Variants in FNBP1L observed in about 807,000 individuals in gnomAD.
FNBP1L encodes the protein formin binding protein 1 like, also known as formin-binding protein 1-like.
FNBP1L carries 36 observed loss-of-function variants against 91.2 expected under a neutral mutation model. The ratio of observed to expected loss-of-function variants is 0.39; its 90% CI spans 0.30 to 0.52. FNBP1L has a LOEUF of 0.52. Ranked by LOEUF, FNBP1L falls within the 20% of genes least tolerant of loss-of-function variation. FNBP1L has a pLI of 0.66. For synonymous variants in FNBP1L, 242 were observed against 237.0 expected (o/e 1.02, Z -0.19); for missense variants, 571 against 732.1 (o/e 0.78, Z 2.54).
chr1:93,453,727 A>G (rs1449125436), intron 1 of FNBP1L, among the ~76,000 whole-genome samples: 1 of 152,204 alleles, frequency 6.6e-6, no homozygotes, highest in Admixed American at 6.5e-5. Context: ...GTTTTGTTCT[A>G]TAGAATGTGA....
intron 7 of FNBP1L, among the ~76,000 whole-genome samples, 152 bp downstream of exon 7, chr1:93,531,035 T>A (rs1176876408): frequency 6.6e-6 from 1 of 152,212 alleles, no homozygotes; most frequent in Non-Finnish European, 1.5e-5. Context: ...TGAAAACAAG[T>A]GTTTTCTAAC....
chr1:93,463,947 G>A (rs557254892), intron 1 of FNBP1L, among the ~76,000 whole-genome samples: 1 of 152,268 alleles, frequency 6.6e-6, no homozygotes, highest in African/African-American at 2.4e-5. Context: ...GTGAAGTTCT[G>A]TAGGTTTTGA....
intron 8 of FNBP1L, among the ~76,000 whole-genome samples, chr1:93,534,023 T>G (rs565861235): frequency 6.6e-6 from 1 of 151,952 alleles, no homozygotes; most frequent in Non-Finnish European, 1.5e-5. Context: ...AAATAATGAG[T>G]TTAAGGTATC....
chr1:93,549,163 A>T, intron 14 of FNBP1L, 115 bp from the exon 15 acceptor site: 1 of 736,420 alleles, frequency 1.4e-6, no homozygotes, highest in East Asian at 3.1e-5. Flanking sequence ...TTAAGTGGAA[A>T]CTGTGTCATT....
intron 2 of FNBP1L, among the ~76,000 whole-genome samples, chr1:93,512,160 C>G (rs1670878614): frequency 1.3e-5 from 2 of 151,868 alleles, no homozygotes; most frequent in South Asian, 4.2e-4. Flanking sequence ...CAACAAAGAT[C>G]AAAAGAGACA....
chr1:93,463,114 G>A (rs1197631535), intron 1 of FNBP1L, among the ~76,000 whole-genome samples: 2 of 151,842 alleles, frequency 1.3e-5, no homozygotes, highest in Admixed American at 6.6e-5. Flanking sequence ...GAGCTCTTTC[G>A]GTTGGCTTTT....
intron 2 of FNBP1L, among the ~76,000 whole-genome samples, chr1:93,513,719 A>G (rs1433548332): frequency 6.6e-6 from 1 of 152,154 alleles, no homozygotes; most frequent in Non-Finnish European, 1.5e-5. Context: ...AAATTCAAGA[A>G]CCCTTCATGC....
At chr1:93,481,374 G>A (rs762806977) in intron 1 of FNBP1L, among the ~76,000 whole-genome samples, 3 of 152,104 alleles carry the variant, frequency 2.0e-5, no homozygotes, top group South Asian at 2.1e-4. Flanking sequence ...CAAATATATA[G>A]CTACTAAATG....
chr1:93,458,909 G>A (rs540607837), intron 1 of FNBP1L, among the ~76,000 whole-genome samples: 4 of 152,220 alleles, frequency 2.6e-5, no homozygotes, highest in East Asian at 3.9e-4. Flanking sequence ...AGAAGTATAG[G>A]AAAAACAGTA....
chr1:93,463,200 T>C (rs1456101101), intron 1 of FNBP1L, among the ~76,000 whole-genome samples: 2 of 152,152 alleles, frequency 1.3e-5, no homozygotes, highest in African/African-American at 4.8e-5. Flanking sequence ...CTGTAAGATA[T>C]GTGATCCAGG....
intron 2 of FNBP1L, among the ~76,000 whole-genome samples, chr1:93,508,229 A>C (rs1670701401): frequency 6.6e-6 from 1 of 152,028 alleles, no homozygotes; most frequent in African/African-American, 2.4e-5. Context: ...ATGTGCCTGC[A>C]GTCCCAGCTA....
intron 11 of FNBP1L, chr1:93,543,845 C>A: frequency 4.3e-6 from 1 of 231,028 alleles, no homozygotes; most frequent in Non-Finnish European, 8.6e-6. Context: ...TTATCTGTAT[C>A]TGGGTATGAT....
chr1:93,481,160 A>G (rs1222063708), intron 1 of FNBP1L, among the ~76,000 whole-genome samples: 2 of 152,178 alleles, frequency 1.3e-5, no homozygotes, highest in African/African-American at 2.4e-5. Context: ...TACAACACAT[A>G]ATCTCAGTGT....
At chr1:93,524,165 G>T in intron 4 of FNBP1L, 96 bp from the exon 5 acceptor site, 2 of 932,202 alleles carry the variant, frequency 2.1e-6, no homozygotes, top group East Asian at 3.2e-5. Context: ...AAGCCTTTTG[G>T]GGACTTTAGA....
chr1:93,523,676 A>G (rs1281858924), intron 4 of FNBP1L, among the ~76,000 whole-genome samples, 185 bp downstream of exon 4: 1 of 152,240 alleles, frequency 6.6e-6, no homozygotes, highest in Non-Finnish European at 1.5e-5. Context: ...AAGTTTGGCA[A>G]ACTACAGCCT....
At chr1:93,480,793 A>C (rs1329839900) in intron 1 of FNBP1L, among the ~76,000 whole-genome samples, 3 of 151,964 alleles carry the variant, frequency 2.0e-5, no homozygotes, top group Non-Finnish European at 2.9e-5. Flanking sequence ...CAATCTCCTG[A>C]CCTCGTGATC....
At chr1:93,514,544 A>T (rs1670998748) in intron 2 of FNBP1L, among the ~76,000 whole-genome samples, 1 of 152,216 alleles carries the variant, frequency 6.6e-6, no homozygotes, top group Admixed American at 6.5e-5. Context: ...TAACCAAAAC[A>T]GCATGGTACT....
intron 16 of FNBP1L, chr1:93,551,768 TTTTG>T (rs1436501572): frequency 9.1e-6 from 9 of 985,210 alleles, no homozygotes; most frequent in Non-Finnish European, 1.1e-5. Context: ...ATAAAATAGA[TTTTG>T]TTTGAGACCT....
chr1:93,479,353 T>A (rs1435822652), intron 1 of FNBP1L, among the ~76,000 whole-genome samples: 1 of 152,032 alleles, frequency 6.6e-6, no homozygotes, highest in Non-Finnish European at 1.5e-5. Context: ...AAGGGCAAAA[T>A]TAGAATTACT....
Sources: gnomAD v4.1 joint callset for allele counts (sites outside exome capture counted in the v4.1 genomes callset) on GRCh38, gnomAD v4.1.1 for gene constraint, MANE v1.5 for transcripts, NCBI Gene and HGNC (gene_info 2026-07-23, HGNC 2026-07-21) for gene names.